Variants in AKAP9 observed in about 807,000 individuals in gnomAD.
The protein encoded by AKAP9 is A-kinase anchor protein 9.
A neutral mutation model predicts 488.5 loss-of-function variants in AKAP9; 311 were observed. The observed-to-expected ratio is 0.64, with a 90% CI of 0.58 to 0.70. AKAP9 has a LOEUF of 0.70. Ranked by LOEUF, AKAP9 falls within the 30% of genes least tolerant of loss-of-function variation. AKAP9 has a pLI of 0.00. For missense variants in AKAP9, 4,215 were observed against 4,374.5 expected (o/e 0.96, Z 1.03); for synonymous variants, 1,462 against 1,483.5 (o/e 0.99, Z 0.33).
At chr7:92,108,383 T>C in intron 48 of AKAP9, 111 bp from the exon 49 acceptor site, 1 of 985,496 alleles carries the variant, frequency 1.0e-6, no homozygotes, top group Non-Finnish European at 1.6e-6. Flanking sequence ...GGAGATACAT[T>C]ATGTGTGTAC....
chr7:92,098,145 T>C lies in AKAP9; in HGVS notation c.10644T>C (p.Ile3548=). The part of the protein sequence containing the change: ...QFETADDEDF[I]WVQENIDEII... ...AAACAGCAGATGATGAAGATTTCAT[T>C]TGGGTTCAGGAAAATATTGATGAAA... Residue 3548 remains isoleucine, a synonymous_variant, in exon 43 of 50, where the codon ATT becomes ATC. Coordinates refer to ENST00000356239, the MANE Select transcript of AKAP9 (RefSeq NM_005751.5). 1.2e-6 allele frequency: 2 copies of C among 1,612,880 alleles called. No individual in the cohort carries two copies. Among genetic ancestry groups the C allele is most frequent in the Non-Finnish European group, 8.5e-7 (1 of 1,178,988 alleles).
intron 1 of AKAP9, among the ~76,000 whole-genome samples, chr7:91,951,669 C>G (rs1792273755): frequency 6.6e-6 from 1 of 152,140 alleles, no homozygotes. Flanking sequence ...TTTCTAGGCT[C>G]AGTAGTTTAG....
chr7:92,017,243 T>G, intron 12 of AKAP9, 141 bp downstream of exon 12: 1 of 680,678 alleles, frequency 1.5e-6, no homozygotes, highest in Non-Finnish European at 2.6e-6. Flanking sequence ...ATATTTGTAG[T>G]AGATAATTTA....
intron 43 of AKAP9, 39 bp downstream of exon 43, chr7:92,098,253 C>A: frequency 8.0e-7 from 1 of 1,251,532 alleles, no homozygotes; most frequent in South Asian, 1.2e-5. Context: ...GCATTGAGAG[C>A]AAAGATTTAA....
chr7:92,082,528 A>G lies in AKAP9; in HGVS notation c.8026A>G (p.Thr2676Ala). 2.5e-6 allele frequency: 4 copies of G among 1,613,634 alleles called. No individual in the cohort carries two copies. Among genetic ancestry groups the G allele is most frequent in the Non-Finnish European group, 3.4e-6 (4 of 1,179,678 alleles). The change falls in exon 32 of 50, where the codon ACT becomes GCT. Residue 2676 changes from threonine to alanine, a missense_variant. Physicochemically the swap from Thr to Ala is moderately conservative, Grantham distance 58 (BLOSUM62 0). Coordinates refer to ENST00000356239, the MANE Select transcript of AKAP9 (RefSeq NM_005751.5). Reference protein sequence around the residue: ...PQDVEVLKTTTELFHSNEESG... With the variant: ...PQDVEVLKTTAELFHSNEESG... ...TGTTTCCGCTGTCATTCAGACAACT[A>G]CTGAGCTATTTCATAGCAATGAAGA...
Position 92,042,751 on chromosome 7 carries a change from T to G in AKAP9, c.5142T>G (p.Pro1714=), listed in dbSNP as rs1338297603. The G allele has an allele frequency of 6.2e-7, 1 of 1,609,878 alleles. No homozygotes were observed. The highest frequency in any genetic ancestry group is 1.3e-5 in the African/African-American group (1 of 74,848). Residue 1714 remains proline, a synonymous_variant, in exon 20 of 50, where the codon CCT becomes CCG. Coordinates refer to ENST00000356239, the MANE Select transcript of AKAP9 (RefSeq NM_005751.5). ...ELDRKPEDVP[P]EILSNERYAL... The stretch of plus-strand genomic sequence containing the variant: ...ACAGAAAACCTGAAGATGTGCCTCC[T>G]GAGATTTTGTCTAATGAAAGGTATA...
intron 12 of AKAP9, among the ~76,000 whole-genome samples, chr7:92,021,246 C>T (rs1250581032): frequency 5.3e-5 from 8 of 152,038 alleles, no homozygotes; most frequent in East Asian, 1.9e-4. Context: ...ATAGTTTAGC[C>T]GTTCTCTAAT....
intron 49 of AKAP9, 32 bp downstream of exon 49, chr7:92,108,665 C>T: frequency 1.9e-6 from 3 of 1,613,756 alleles, no homozygotes; most frequent in Non-Finnish European, 2.5e-6. Flanking sequence ...CTTGGCAGCA[C>T]CACAGTGCGA....
At chr7:91,942,106 C>T (rs915951546) in intron 1 of AKAP9, among the ~76,000 whole-genome samples, 8 of 152,116 alleles carry the variant, frequency 5.3e-5, no homozygotes. Context: ...ATGAAGTCTT[C>T]TTTTATGGAT....
chr7:92,023,462 C>T (rs796224177), intron 14 of AKAP9, among the ~76,000 whole-genome samples: 9 of 152,304 alleles, frequency 5.9e-5, no homozygotes, highest in African/African-American at 2.2e-4. Flanking sequence ...AAATTTGCTC[C>T]TTCTGCAGCT....
intron 5 of AKAP9, among the ~76,000 whole-genome samples, chr7:91,993,655 T>C (rs1417673091): frequency 6.6e-6 from 1 of 152,168 alleles, no homozygotes; most frequent in Non-Finnish European, 1.5e-5. Flanking sequence ...CTTTATACAT[T>C]GCATAAACAA....
chr7:91,957,933 C>G (rs1793248710), intron 1 of AKAP9, among the ~76,000 whole-genome samples: 2 of 151,534 alleles, frequency 1.3e-5, no homozygotes, highest in African/African-American at 4.8e-5. Flanking sequence ...TTTTTCTGTT[C>G]TGACGTACAG....
chr7:92,066,248 A>C (rs549058769), intron 25 of AKAP9, among the ~76,000 whole-genome samples, 179 bp from the exon 26 acceptor site: 2 of 152,316 alleles, frequency 1.3e-5, no homozygotes, highest in African/African-American at 4.8e-5. Context: ...CAAATAGGCT[A>C]TATGGCATAT....
chr7:92,102,817 C>T lies in AKAP9; in HGVS notation c.11321C>T (p.Ala3774Val), dbSNP rs1244439432. Reference sequence around the variant, plus strand: ...CGGTCGGCCGTCAGAGTATCCATTGCAATTTCCAGGTAAAGACTTGAAGGA... The same window carrying T: ...CGGTCGGCCGTCAGAGTATCCATTGTAATTTCCAGGTAAAGACTTGAAGGA... ...RFRSAVRVSI[A>V]ISRMKFLVRR... Residue 3774 changes from alanine to valine, a missense_variant, in exon 46 of 50, where the codon GCA becomes GTA. Transcript: ENST00000356239. 1 of 1,613,872 alleles carries T rather than the reference C, an allele frequency of 6.2e-7. No homozygotes were observed. Among genetic ancestry groups the T allele is most frequent in the Admixed American group, 1.7e-5 (1 of 60,012 alleles).
At chr7:92,091,587 AAAAAAAAAAAC>A (rs1815608015) in intron 38 of AKAP9, among the ~76,000 whole-genome samples, 2 of 109,512 alleles carry the variant, frequency 1.8e-5, no homozygotes, top group Non-Finnish European at 2.1e-5. Context: ...CTCTGTCTCA[AAAAAAAAAAAC>A]AAAAAAAAAA....
chr7:91,972,292 C>T lies in AKAP9; in HGVS notation c.49-1419C>T, dbSNP rs189688973. Among the ~76,000 whole-genome samples, 14 of 152,270 alleles carry T rather than the reference C, an allele frequency of 9.2e-5. No individual in the cohort carries two copies. The East Asian group carries it at 2.5e-3, about 27-fold the overall frequency. On this transcript the variant is annotated intron_variant, in intron 1 of 49. Coordinates refer to ENST00000356239, the MANE Select transcript of AKAP9 (RefSeq NM_005751.5). ...GTAGTCTTGCCTTCCCGCTTTGTCT[C>T]TGGCTGTTAGGAATATTTCTCCCTT...
rs760966956 is a variant in AKAP9 at position 92,001,062 on chromosome 7, A to G, written c.1145A>G (p.Asn382Ser). 6.2e-6 allele frequency: 10 copies of G among 1,611,956 alleles called. No homozygotes were observed. The highest frequency in any genetic ancestry group is 8.5e-6 in the Non-Finnish European group (10 of 1,178,900). ...EIKNMKLELT[N>S]SKQKERQSSE... The stretch of plus-strand genomic sequence containing the variant: ...AAAAACATGAAATTAGAGCTGACTA[A>G]TTCTAAGCAAAAAGAAAGACAGTCT... The change falls in exon 8 of 50, where the codon AAT (asparagine) becomes AGT (serine). Residue 382 changes from asparagine (N) to serine (S), a missense_variant. Physicochemically the swap from Asn to Ser is conservative, Grantham distance 46. This residue lies in a region of AKAP9 where 2,361 missense variants were observed against 2,430.0 expected (regional missense o/e 0.97). Transcript: ENST00000356239.
intron 2 of AKAP9, among the ~76,000 whole-genome samples, chr7:91,977,918 G>A (rs1168392150): frequency 6.6e-6 from 1 of 151,960 alleles, no homozygotes; most frequent in Admixed American, 6.6e-5. Flanking sequence ...TGAATATGAG[G>A]GATTGTATCA....
At chr7:92,087,766 G>A (rs1814838403) in intron 37 of AKAP9, among the ~76,000 whole-genome samples, 1 of 151,856 alleles carries the variant, frequency 6.6e-6, no homozygotes. Flanking sequence ...AAGCCAGCTT[G>A]AAGGAGCTCC....
Sources: allele counts gnomAD v4.1 joint callset (sites outside exome capture counted in the v4.1 genomes callset), GRCh38; gene constraint gnomAD v4.1.1; regional missense constraint gnomAD v4.1.1; transcripts MANE v1.5; gene names NCBI Gene and HGNC (gene_info 2026-07-23, HGNC 2026-07-21).